Variants in CUBN observed in about 807,000 individuals in gnomAD.
CUBN encodes 460 kDa receptor.
CUBN carries 282 observed loss-of-function variants against 405.3 expected under a neutral mutation model. The observed-to-expected ratio is 0.70, with a 90% CI of 0.63 to 0.77. The LOEUF (loss-of-function observed/expected upper bound fraction) is 0.77, where lower values mean the gene tolerates loss of function less well. Among genes scored for constraint, CUBN ranks in the 30% least tolerant of loss-of-function variants. CUBN has a pLI of 0.00. For synonymous variants in CUBN, 1,684 were observed against 1,617.0 expected, an observed-to-expected ratio of 1.04 and a Z score of -0.99; for missense variants, 4,514 against 4,475.2, an observed-to-expected ratio of 1.01 and a Z score of -0.25.
intron 27 of CUBN, among the ~76,000 whole-genome samples, chr10:17,023,192 AC>A (rs1834547716): frequency 7.7e-6 from 1 of 130,190 alleles, no homozygotes. Context: ...TTGTAAAAGT[AC>A]TGGGTGGGGG....
At chr10:16,865,233 G>T (rs970935378) in intron 59 of CUBN, among the ~76,000 whole-genome samples, 1 of 152,000 alleles carries the variant, frequency 6.6e-6, no homozygotes, top group African/African-American at 2.4e-5. Context: ...GCCTCCTAAA[G>T]TGCCAGTATT....
rs962418947 is a variant in CUBN, at chr10:16,931,669, T to C, written c.6124+1418A>G. ...AAAAAGATTTCATTTATTACTTTCC[T>C]TAATCCTCAGAAAAAGCCTGTGAGG... On this transcript the variant is annotated intron_variant, in intron 40 of 66. Transcript: ENST00000377833. Among the ~76,000 whole-genome samples, 4 of 152,234 alleles carry C rather than the reference T, an allele frequency of 2.6e-5. No homozygotes were observed. The South Asian group carries it at 8.3e-4, about 32-fold the overall frequency.
At chr10:17,054,382 A>G (rs916261626) in intron 22 of CUBN, among the ~76,000 whole-genome samples, 2 of 151,696 alleles carry the variant, frequency 1.3e-5, no homozygotes, top group South Asian at 2.1e-4. Context: ...CTTAAAGGCT[A>G]TATCTATATC....
chr10:17,020,348 T>C (rs1265162462), intron 27 of CUBN, among the ~76,000 whole-genome samples: 1 of 152,194 alleles, frequency 6.6e-6, no homozygotes, highest in Non-Finnish European at 1.5e-5. Context: ...AATTGTAAGA[T>C]ATAATTTAAA....
intron 28 of CUBN, among the ~76,000 whole-genome samples, chr10:17,019,026 T>G (rs1433445454): frequency 1.3e-5 from 2 of 152,196 alleles, no homozygotes; most frequent in Non-Finnish European, 2.9e-5. Context: ...CACAGATTAC[T>G]GGGCTCCACT....
intron 13 of CUBN, among the ~76,000 whole-genome samples, chr10:17,101,529 A>G (rs920985313): frequency 2.6e-5 from 4 of 152,202 alleles, no homozygotes; most frequent in African/African-American, 9.6e-5. Context: ...ACCCTTGTAC[A>G]ATGCCCTCTG....
chr10:16,872,517 G>A (rs1215092913), intron 58 of CUBN, among the ~76,000 whole-genome samples: 1 of 152,052 alleles, frequency 6.6e-6, no homozygotes, highest in East Asian at 1.9e-4. Flanking sequence ...AGGTCATGGG[G>A]GAGGACCCCT....
At position 16,840,424 on chromosome 10, in the gene CUBN, G is replaced by A. The variant is rs1442189969; in HGVS notation, c.9938C>T (p.Pro3313Leu). Residue 3313 changes from proline (P) to leucine (L), a missense_variant, in exon 62 of 67, where the codon CCT becomes CTT. This residue lies in a region of CUBN where 1,186 missense variants were observed against 1,186.9 expected (regional missense o/e 1.00). Transcript: ENST00000377833. ...FSICTWVIDS[P>L]PHQQVKITVW... The stretch of plus-strand genomic sequence containing the variant: ...AGTTATCTTGACCTGCTGATGCGGA[G>A]GGGAATCAATGACCCAAGTACAGAT... 6.2e-7 allele frequency: 1 copy of A among 1,614,004 alleles called. No individual in the cohort carries two copies. The highest frequency in any genetic ancestry group is 1.3e-5 in the African/African-American group (1 of 74,902).
At chr10:17,123,712 A>G in intron 4 of CUBN, 23 bp from the exon 5 acceptor site, 1 of 1,562,748 alleles carries the variant, frequency 6.4e-7, no homozygotes, top group Middle Eastern at 1.7e-4. Context: ...CAGGACAGTC[A>G]ATGAGATGAC....
intron 62 of CUBN, among the ~76,000 whole-genome samples, chr10:16,837,067 T>C (rs1588572463): frequency 1.3e-5 from 2 of 152,008 alleles, no homozygotes; most frequent in African/African-American, 2.4e-5. Flanking sequence ...CCGTCTCTGC[T>C]TGCAAAACTC....
chr10:17,052,382 T>C (rs1417418550), intron 22 of CUBN, among the ~76,000 whole-genome samples: 2 of 152,096 alleles, frequency 1.3e-5, no homozygotes, highest in Non-Finnish European at 2.9e-5. Flanking sequence ...TAAATATAAA[T>C]GATAGGCTTT....
intron 27 of CUBN, among the ~76,000 whole-genome samples, chr10:17,035,325 T>C (rs1834871489): frequency 6.6e-6 from 1 of 152,070 alleles, no homozygotes. Context: ...CAGAAAAATA[T>C]TGTTGAACAT....
At chr10:17,073,697 CGGACTCCCAAAGTGCTG>C (rs1482636664) in intron 17 of CUBN, among the ~76,000 whole-genome samples, 2 of 150,534 alleles carry the variant, frequency 1.3e-5, no homozygotes, top group African/African-American at 5.0e-5. Context: ...CCACCCACCT[CGGACTCCCAAAGTGCTG>C]GGATTACACG....
intron 28 of CUBN, among the ~76,000 whole-genome samples, chr10:17,017,985 TG>T (rs1458929151): frequency 6.6e-6 from 1 of 152,122 alleles, no homozygotes; most frequent in Non-Finnish European, 1.5e-5. Context: ...ACCAACTTGT[TG>T]TTGGGACCCC....
rs776211726 is a variant in CUBN at position 17,111,049 on chromosome 10, G to A, written c.885C>T (p.Gly295=). 57 of 1,613,968 alleles carry A rather than the reference G, an allele frequency of 3.5e-5. No homozygotes were observed. The Admixed American group carries it at 4.7e-4, about 13-fold the overall frequency. Residue 295 remains glycine (G), a splice_region_variant and synonymous_variant, in exon 9 of 67, where the codon GGC becomes GGT. Coordinates refer to ENST00000377833, the MANE Select transcript of CUBN (RefSeq NM_001081.4). ...CGCAAATATATCCATTGCCTTGCCA[G>A]CCTAGGAAAACAAGAGGATTTAAAA... is the stretch of plus-strand genomic sequence containing the variant. The part of the protein sequence containing the change: ...GSFYCGACPT[G]WQGNGYICED...
At chr10:16,925,004 G>A (rs1301125045) in intron 43 of CUBN, among the ~76,000 whole-genome samples, 1 of 152,034 alleles carries the variant, frequency 6.6e-6, no homozygotes, top group Non-Finnish European at 1.5e-5. Context: ...TCACTAATTA[G>A]GTATGTGGCC....
chr10:16,991,768 T>C (rs932845324), intron 28 of CUBN, among the ~76,000 whole-genome samples: 11 of 151,952 alleles, frequency 7.2e-5, no homozygotes, highest in Admixed American at 3.3e-4. Flanking sequence ...TGTGGAGAAA[T>C]AGGAACACTT....
At chr10:17,036,417 C>G (rs145156192) in intron 27 of CUBN, among the ~76,000 whole-genome samples, 4 of 152,272 alleles carry the variant, frequency 2.6e-5, no homozygotes, top group Non-Finnish European at 5.9e-5. Flanking sequence ...AGTGGAGAAT[C>G]TGCCTCACTC....
At chr10:17,027,333 TAATA>T in intron 27 of CUBN, among the ~76,000 whole-genome samples, 1 of 152,260 alleles carries the variant, frequency 6.6e-6, no homozygotes, top group South Asian at 2.1e-4. Flanking sequence ...GAAAATGACA[TAATA>T]AATAACATGG....
Sources: gnomAD v4.1 joint callset for allele counts (sites outside exome capture counted in the v4.1 genomes callset) on GRCh38, gnomAD v4.1.1 for gene constraint, gnomAD v4.1.1 regional missense constraint, MANE v1.5 for transcripts, NCBI Gene and HGNC (gene_info 2026-07-23, HGNC 2026-07-21) for gene names.